Variants in FARP1 observed in about 807,000 individuals in gnomAD.
The protein encoded by FARP1 is FERM, ARH/RhoGEF and pleckstrin domain protein 1, also known as FERM, ARHGEF and pleckstrin domain-containing protein 1.
Under a neutral mutation model 128.8 loss-of-function variants are expected in FARP1, and 52 were observed. The observed-to-expected ratio is 0.40, with a 90% CI of 0.32 to 0.51. The LOEUF (loss-of-function observed/expected upper bound fraction) is 0.51. FARP1 is among the 20% of genes least tolerant of loss of function. The probability of loss-of-function intolerance (pLI) is 0.45; values close to 1 mark genes in which losing one functional copy is unlikely to be tolerated. For missense variants in FARP1, 1,333 were observed against 1,367.9 expected, an observed-to-expected ratio of 0.97 and a Z score of 0.40; for synonymous variants, 580 against 551.8, an observed-to-expected ratio of 1.05 and a Z score of -0.72.
intron 3 of FARP1, among the ~76,000 whole-genome samples, chr13:98,356,208 A>G (rs1445887180): frequency 4.6e-5 from 7 of 152,236 alleles, no homozygotes; most frequent in Admixed American, 2.6e-4. Flanking sequence ...TGATTTTTCT[A>G]CAGTCATGCG....
At chr13:98,408,098 G>A (rs1383062131) in intron 13 of FARP1, among the ~76,000 whole-genome samples, 1 of 152,100 alleles carries the variant, frequency 6.6e-6, no homozygotes, top group Admixed American at 6.6e-5. Context: ...TAGTAGACAG[G>A]ACTGCAGGTT....
At chr13:98,320,630 ACT>A (rs1440933407) in intron 2 of FARP1, among the ~76,000 whole-genome samples, 4 of 152,006 alleles carry the variant, frequency 2.6e-5, no homozygotes, top group Non-Finnish European at 5.9e-5. Flanking sequence ...CTGTTAGAAA[ACT>A]CTCAGGATTT....
chr13:98,237,026 G>A (rs545020721), intron 2 of FARP1, among the ~76,000 whole-genome samples: 4 of 151,198 alleles, frequency 2.6e-5, no homozygotes, highest in Middle Eastern at 3.5e-3. Context: ...AATTTAGGCC[G>A]GGCGCGTGTG....
At chr13:98,181,659 A>AGT (rs1878536538) in intron 1 of FARP1, among the ~76,000 whole-genome samples, 2 of 142,934 alleles carry the variant, frequency 1.4e-5, no homozygotes, top group Non-Finnish European at 3.0e-5. Flanking sequence ...AGAGAGAGAG[A>AGT]GAGTCTCACT....
chr13:98,254,484 A>G (rs549480964), intron 2 of FARP1, among the ~76,000 whole-genome samples: 11 of 152,304 alleles, frequency 7.2e-5, no homozygotes, highest in African/African-American at 2.6e-4. Flanking sequence ...GCTCAATAAA[A>G]AGTGGGTATT....
intron 2 of FARP1, among the ~76,000 whole-genome samples, chr13:98,226,199 G>C (rs1313582146): frequency 6.6e-6 from 1 of 152,232 alleles, no homozygotes; most frequent in South Asian, 2.1e-4. Flanking sequence ...TCCAAGGGTT[G>C]TGAGGAAAAG....
intron 1 of FARP1, among the ~76,000 whole-genome samples, chr13:98,206,071 T>G (rs1880242811): frequency 6.6e-6 from 1 of 152,152 alleles, no homozygotes; most frequent in Admixed American, 6.6e-5. Flanking sequence ...TTTTTTTGTT[T>G]GTTTGTTTTT....
At chr13:98,406,210 C>G (rs142243587) in intron 13 of FARP1, 1 of 152,156 alleles carries the variant, frequency 6.6e-6, no homozygotes, top group Non-Finnish European at 1.5e-5. Context: ...TACTAATTGC[C>G]CCCTTGTCAG....
chr13:98,332,119 A>C (rs1468003491), intron 2 of FARP1, among the ~76,000 whole-genome samples: 1 of 152,100 alleles, frequency 6.6e-6, no homozygotes, highest in African/African-American at 2.4e-5. Context: ...CTAAGTGTAC[A>C]GTTCAGTGGT....
At chr13:98,336,858 A>C (rs557249375) in intron 2 of FARP1, among the ~76,000 whole-genome samples, 11 of 152,350 alleles carry the variant, frequency 7.2e-5, no homozygotes, top group African/African-American at 2.4e-4. Flanking sequence ...TAGCCATTAA[A>C]AGAAAAGGAC....
chr13:98,248,530 C>G (rs1883176778), intron 2 of FARP1, among the ~76,000 whole-genome samples: 1 of 152,160 alleles, frequency 6.6e-6, no homozygotes, highest in South Asian at 2.1e-4. Context: ...AATGTTAAAT[C>G]TAGGATATGC....
At chr13:98,233,906 A>G (rs1882282064) in intron 2 of FARP1, 1 of 152,136 alleles carries the variant, frequency 6.6e-6, no homozygotes, top group Admixed American at 6.5e-5. Flanking sequence ...CGCTTCATGT[A>G]TTTCCTTTAC....
At chr13:98,403,134 A>C in intron 13 of FARP1, 1 of 147,938 alleles carries the variant, frequency 6.8e-6, no homozygotes. Context: ...TACTTGGAAT[A>C]CCTCTTTCCT....
intron 3 of FARP1, 92 bp from the exon 4 acceptor site, chr13:98,365,303 T>A: frequency 1.0e-6 from 1 of 989,658 alleles, no homozygotes; most frequent in Non-Finnish European, 1.6e-6. Flanking sequence ...TCAAAAATAT[T>A]TTGATTTTAA....
chr13:98,217,447 G>A (rs1158047466), intron 2 of FARP1, among the ~76,000 whole-genome samples: 5 of 152,214 alleles, frequency 3.3e-5, no homozygotes, highest in Non-Finnish European at 7.3e-5. Flanking sequence ...GGAACTCGGC[G>A]TCTACGACCG....
chr13:98,363,786 G>T (rs1888972691), intron 3 of FARP1, among the ~76,000 whole-genome samples: 1 of 152,120 alleles, frequency 6.6e-6, no homozygotes, highest in Non-Finnish European at 1.5e-5. Flanking sequence ...CTGTCCCCCA[G>T]GCTAGAGTGC....
intron 1 of FARP1, among the ~76,000 whole-genome samples, chr13:98,182,438 A>G (rs895268142): frequency 9.9e-5 from 15 of 151,994 alleles, no homozygotes; most frequent in African/African-American, 2.4e-4. Context: ...TGATCCTCCT[A>G]TCTCAGCCTC....
In FARP1 at chr13:98,240,006, G is replaced by A. The variant is rs374917406; in HGVS notation, c.171+26593G>A. On this transcript the variant is annotated intron_variant, in intron 2 of 26. Transcript: ENST00000319562. ...AGAGTGAAGTGAGCAGGTGATATCC[G>A]TGGTGATCCCTCCACAAGGAGGGAA... Among the ~76,000 whole-genome samples the A allele has an allele frequency of 9.2e-5, 14 of 152,286 alleles. No individual in the cohort carries two copies. The East Asian group carries it at 2.3e-3, about 25-fold the overall frequency.
chr13:98,229,036 G>A (rs1245131763), intron 2 of FARP1, among the ~76,000 whole-genome samples: 2 of 152,200 alleles, frequency 1.3e-5, no homozygotes, highest in Non-Finnish European at 2.9e-5. Flanking sequence ...AGCAAGCCAA[G>A]TAGCATCTCC....
Sources: allele counts gnomAD v4.1 joint callset (sites outside exome capture counted in the v4.1 genomes callset), GRCh38; gene constraint gnomAD v4.1.1; transcripts MANE v1.5; gene names NCBI Gene and HGNC (gene_info 2026-07-23, HGNC 2026-07-21).